The following PVT1 variants were observed in gnomAD, a reference collection of about 807,000 sequenced individuals.
The protein encoded by PVT1 is CXCR4/PVT1 fusion.
chr8:127,956,918 C>T (rs190102879), intron 3 of PVT1, among the ~76,000 whole-genome samples: 102 of 152,258 alleles, frequency 6.7e-4, no homozygotes, highest in Non-Finnish European at 7.6e-4. Context: ...TAAGAATGGC[C>T]TGTCATAGGC....
chr8:127,975,989 C>T (rs1328480165), intron 3 of PVT1, among the ~76,000 whole-genome samples: 1 of 152,176 alleles, frequency 6.6e-6, no homozygotes, highest in Non-Finnish European at 1.5e-5. Context: ...CCTAGCTCTC[C>T]AGCTGGAACC....
chr8:128,016,934 C>G (rs1817381142), intron 4 of PVT1, among the ~76,000 whole-genome samples: 1 of 152,152 alleles, frequency 6.6e-6, no homozygotes, highest in South Asian at 2.1e-4. Flanking sequence ...GCCTGTAATC[C>G]CAGCACTTCG....
intron 2 of PVT1, among the ~76,000 whole-genome samples, chr8:127,809,029 C>CAAAAAAAAAAAAAAAAAAAAAAAAAAA (rs1158760672): frequency 1.4e-4 from 4 of 28,278 alleles, no homozygotes; most frequent in Non-Finnish European, 1.9e-4. Flanking sequence ...GATTCCATCT[C>CAAAAAAAAAAAAAAAAAAAAAAAAAAA]AAAAAAAAAA....
intron 2 of PVT1, among the ~76,000 whole-genome samples, chr8:127,864,648 C>T (rs1313397140): frequency 6.6e-6 from 1 of 152,044 alleles, no homozygotes; most frequent in Non-Finnish European, 1.5e-5. Context: ...CCCGGGTTCA[C>T]GCCATTCTCC....
chr8:127,808,063 C>T (rs1032197724), intron 2 of PVT1, among the ~76,000 whole-genome samples: 41 of 149,366 alleles, frequency 2.7e-4, no homozygotes, highest in African/African-American at 9.2e-4. Flanking sequence ...CCACCGGGCC[C>T]GGCTGAGACA....
At chr8:127,900,095 G>T (rs935502721) in intron 3 of PVT1, among the ~76,000 whole-genome samples, 1 of 152,042 alleles carries the variant, frequency 6.6e-6, no homozygotes, top group Non-Finnish European at 1.5e-5. Context: ...AGGCTGGAAT[G>T]CAGTGGTGCA....
chr8:127,818,883 C>T (rs998144064), intron 2 of PVT1, among the ~76,000 whole-genome samples: 1 of 135,330 alleles, frequency 7.4e-6, no homozygotes, highest in Non-Finnish European at 1.7e-5. Context: ...CTCTCTCTCT[C>T]TCACTCTGTT....
At chr8:127,894,914 G>C (rs946821398) in intron 3 of PVT1, among the ~76,000 whole-genome samples, 4 of 152,214 alleles carry the variant, frequency 2.6e-5, no homozygotes, top group East Asian at 1.9e-4. Context: ...ATGATGAAGT[G>C]ACTGGCCGGC....
chr8:127,980,968 T>G (rs368210039), intron 3 of PVT1, among the ~76,000 whole-genome samples: 68 of 152,078 alleles, frequency 4.5e-4, no homozygotes, highest in African/African-American at 1.6e-3. Context: ...AGCTAATTTT[T>G]GTATTTTTAG....
chr8:127,897,310 A>G (rs967377429), intron 3 of PVT1, among the ~76,000 whole-genome samples: 2 of 152,158 alleles, frequency 1.3e-5, no homozygotes, highest in South Asian at 2.1e-4. Flanking sequence ...TCAGACTGCA[A>G]GAGACATAGG....
intron 4 of PVT1, among the ~76,000 whole-genome samples, chr8:128,067,865 A>AT (rs1739577887): frequency 6.6e-6 from 1 of 151,874 alleles, no homozygotes; most frequent in Non-Finnish European, 1.5e-5. Context: ...GAGACTGATC[A>AT]TGCTGTCTTC....
chr8:128,079,707 T>A (rs924891069), intron 5 of PVT1, among the ~76,000 whole-genome samples: 2 of 152,160 alleles, frequency 1.3e-5, no homozygotes, highest in Non-Finnish European at 2.9e-5. Context: ...TGGAATCACA[T>A]AGGATATAGC....
At chr8:127,980,194 T>C (rs1469433254) in intron 3 of PVT1, among the ~76,000 whole-genome samples, 1 of 152,200 alleles carries the variant, frequency 6.6e-6, no homozygotes, top group Non-Finnish European at 1.5e-5. Flanking sequence ...ATATCTGCTT[T>C]GCTTACCATT....
chr8:127,984,569 A>G (rs1816922743), intron 3 of PVT1, among the ~76,000 whole-genome samples: 1 of 151,952 alleles, frequency 6.6e-6, no homozygotes, highest in African/African-American at 2.4e-5. Context: ...GCAGTACAAT[A>G]CTCCCATCCA....
chr8:127,890,052 G>A (rs944533945), intron 2 of PVT1, among the ~76,000 whole-genome samples: 2 of 152,224 alleles, frequency 1.3e-5, no homozygotes, highest in Non-Finnish European at 2.9e-5. Context: ...GAATGAATGA[G>A]TAAGAACAGA....
chr8:127,929,202 T>G (rs1376272441), intron 3 of PVT1, among the ~76,000 whole-genome samples: 2 of 5,616 alleles, frequency 3.6e-4, no homozygotes. Flanking sequence ...TTTTTCTGTT[T>G]TTTTTTTTTT....
chr8:127,951,500 C>T (rs910697135), intron 3 of PVT1, among the ~76,000 whole-genome samples: 2 of 152,140 alleles, frequency 1.3e-5, no homozygotes, highest in African/African-American at 2.4e-5. Flanking sequence ...ATCTGAGGGA[C>T]GTCAGATCAC....
intron 4 of PVT1, among the ~76,000 whole-genome samples, chr8:128,046,595 C>T (rs1293348251): frequency 6.6e-6 from 1 of 152,226 alleles, no homozygotes; most frequent in Admixed American, 6.5e-5. Flanking sequence ...GGAGCCTACA[C>T]AGCCCCCCAT....
intron 4 of PVT1, among the ~76,000 whole-genome samples, chr8:128,002,316 C>A (rs2130019585): frequency 6.6e-6 from 1 of 152,324 alleles, no homozygotes; most frequent in Non-Finnish European, 1.5e-5. Flanking sequence ...TCCAATCTGG[C>A]CTCTGCACCT....
Sources: gnomAD v4.1 joint callset for allele counts (sites outside exome capture counted in the v4.1 genomes callset) on GRCh38, gnomAD v4.1.1 for gene constraint, MANE v1.5 for transcripts, NCBI Gene and HGNC (gene_info 2026-07-23, HGNC 2026-07-21) for gene names.